CPSF4: variants seen among roughly 807,000 people sequenced by gnomAD.
CPSF4 encodes cleavage and polyadenylation specificity factor subunit 4.
Under a neutral mutation model 37.7 loss-of-function variants are expected in CPSF4, and 11 were observed. The observed-to-expected ratio is 0.29, with a 90% CI of 0.18 to 0.48. The LOEUF is 0.48. Among genes scored for constraint, CPSF4 ranks in the 20% least tolerant of loss-of-function variants. The pLI is 0.99. For missense variants in CPSF4, 144 were observed against 359.5 expected (o/e 0.40, Z 4.85); for synonymous variants, 132 against 135.9 (o/e 0.97, Z 0.20).
intron 1 of CPSF4, among the ~76,000 whole-genome samples, chr7:99,440,674 A>ATATATATATATATATATATATATATAT: frequency 1.1e-5 from 1 of 88,088 alleles, no homozygotes; most frequent in African/African-American, 9.7e-5. Flanking sequence ...ATATATATAT[A>ATATATATATATATATATATATATATAT]TTTTTTTTTT....
chr7:99,439,122 G>T lies in CPSF4; in HGVS notation c.40G>T (p.Asp14Tyr). 1 of 1,611,910 alleles carries T rather than the reference G, an allele frequency of 6.2e-7. No homozygotes were observed. Among genetic ancestry groups the T allele is most frequent in the South Asian group, 1.1e-5 (1 of 90,950 alleles). Reference protein sequence around the residue: ...IIASVDHIKFDLEIAVEQQLG... With the variant: ...IIASVDHIKFYLEIAVEQQLG... ...CGCCAGCGTGGACCACATCAAGTTT[G>T]ACTTGGAGATCGCGGTGGAGCAGCA... The change falls in exon 1 of 8, where the codon GAC (aspartate) becomes TAC (tyrosine). Residue 14 changes from aspartate to tyrosine, a missense_variant. By Grantham distance (160) the Asp-to-Tyr change is radical (BLOSUM62 -3). This residue lies in a region of CPSF4 where 42 missense variants were observed against 86.4 expected (regional missense o/e 0.49). Coordinates refer to ENST00000292476, the MANE Select transcript of CPSF4 (RefSeq NM_006693.4).
At chr7:99,455,466 C>T (rs1798245747) in intron 7 of CPSF4, among the ~76,000 whole-genome samples, 1 of 152,092 alleles carries the variant, frequency 6.6e-6, no homozygotes, top group South Asian at 2.1e-4. Context: ...TTTGGGAGGC[C>T]GAGGGGAGCA....
In CPSF4 at chr7:99,456,810, G is replaced by A. The variant is rs949682146; in HGVS notation, c.*310G>A. 5 of 469,380 alleles carry A rather than the reference G, an allele frequency of 1.1e-5. No individual in the cohort carries two copies. Among genetic ancestry groups the A allele is most frequent in the Non-Finnish European group, 2.0e-5 (5 of 251,950 alleles). 29.1% of individuals were successfully genotyped at this position (469,380 alleles called of 1,614,324 possible). On this transcript the variant is annotated 3_prime_UTR_variant, in exon 8 of 8. Transcript: ENST00000292476. ...GGAGGCAGCTGCTGGGGAGGGGCTT[G>A]GCTAGGTAGTTCTGTGTGGCGGTGG...
chr7:99,442,428 G>A (rs558901361), intron 1 of CPSF4, among the ~76,000 whole-genome samples: 16 of 151,898 alleles, frequency 1.1e-4, no homozygotes, highest in Admixed American at 5.2e-4. Flanking sequence ...AGGCCGAGGC[G>A]GGCGGATCAC....
intron 1 of CPSF4, chr7:99,441,323 A>T: frequency 2.3e-6 from 1 of 441,608 alleles, no homozygotes. Flanking sequence ...TTTTCCTCCC[A>T]CCCTTCTGCC....
At chr7:99,440,674 A>ATATATATATAT in intron 1 of CPSF4, among the ~76,000 whole-genome samples, 2 of 88,086 alleles carry the variant, frequency 2.3e-5, no homozygotes, top group Admixed American at 1.2e-4. Flanking sequence ...ATATATATAT[A>ATATATATATAT]TTTTTTTTTT....
intron 1 of CPSF4, among the ~76,000 whole-genome samples, chr7:99,440,674 A>ATATATATATTTTTTTT: frequency 3.4e-5 from 3 of 88,086 alleles, no homozygotes; most frequent in East Asian, 6.7e-4. Context: ...ATATATATAT[A>ATATATATATTTTTTTT]TTTTTTTTTT....
In CPSF4 at chr7:99,452,449, C is replaced by G. The variant is rs1345957443; in HGVS notation, c.570+9C>G. 4 of 1,612,340 alleles carry G rather than the reference C, an allele frequency of 2.5e-6. No individual in the cohort carries two copies. The highest frequency in any genetic ancestry group is 3.3e-5 in the Admixed American group (2 of 60,020). On this transcript the variant is annotated intron_variant, in intron 6 of 7. Coordinates refer to ENST00000292476, the MANE Select transcript of CPSF4 (RefSeq NM_006693.4). The stretch of plus-strand genomic sequence containing the variant: ...CACAGCCTCCAGCAAAGGTACCGTG[C>G]CTGGCCTTCCTCGGTAGGAAGGAAG...
At chr7:99,444,471 T>A (rs1797311211) in intron 1 of CPSF4, among the ~76,000 whole-genome samples, 1 of 151,030 alleles carries the variant, frequency 6.6e-6, no homozygotes, top group African/African-American at 2.4e-5. Context: ...AAAAAAAAAA[T>A]TATTTCTGTG....
At chr7:99,454,188 C>CCATT (rs1798135865) in intron 7 of CPSF4, 52 bp downstream of exon 7, 1 of 1,479,010 alleles carries the variant, frequency 6.8e-7, no homozygotes, top group East Asian at 2.3e-5. Context: ...CCGTCAGTGG[C>CCATT]CATTCCCTCA....
intron 2 of CPSF4, among the ~76,000 whole-genome samples, chr7:99,446,809 A>G (rs13311457): frequency 0.37 from 14,180 of 38,158 alleles, 3,198 homozygotes; most frequent in African/African-American, 0.7. Flanking sequence ...TTTTTTTTTT[A>G]ACGGAGTTTT....
rs374374315 is a variant in CPSF4, at chr7:99,453,936, A to G, written c.571-30A>G. ...TAGTCTGCGTGCACGTGTTTTCCACAGTAAAACCGTGTTGTGTAACTCTTT... is the reference window on the plus strand; with the variant it reads ...TAGTCTGCGTGCACGTGTTTTCCACGGTAAAACCGTGTTGTGTAACTCTTT... On this transcript the variant is annotated intron_variant, in intron 6 of 7. Transcript: ENST00000292476. This position sits in a 1 kb window ranked among gnomAD's most constrained non-coding sequence, Gnocchi z 4.7. The G allele has an allele frequency of 6.7e-5, 107 of 1,606,814 alleles. No individual in the cohort carries two copies. Among genetic ancestry groups the G allele is most frequent in the Non-Finnish European group, 8.6e-5 (101 of 1,174,568 alleles).
At position 99,450,381 on chromosome 7, in the gene CPSF4, A is replaced by T. The variant is rs1176118242; in HGVS notation, c.403+10A>T. On this transcript the variant is annotated intron_variant, in intron 4 of 7. Transcript: ENST00000292476. ...GGCTTCTGCAAGCACGGTAGGTGCC[A>T]GGGTGGGCTGGGCCCCGGGCAAGAA... is the stretch of plus-strand genomic sequence containing the variant. 2.5e-6 allele frequency: 4 copies of T among 1,598,672 alleles called. No individual in the cohort carries two copies. Among genetic ancestry groups the T allele is most frequent in the Admixed American group, 1.7e-5 (1 of 59,736 alleles).
At position 99,456,830 on chromosome 7, in the gene CPSF4, C is replaced by T. The variant is rs1301362930; in HGVS notation, c.*330C>T. ...GGCTTGGCTAGGTAGTTCTGTGTGG[C>T]GGTGGTCATTCCCCTCATTAAACAC... is the stretch of plus-strand genomic sequence containing the variant. On this transcript the variant is annotated 3_prime_UTR_variant, in exon 8 of 8. Transcript: ENST00000292476. 7.0e-6 allele frequency: 3 copies of T among 427,162 alleles called. No individual in the cohort carries two copies. The highest frequency in any genetic ancestry group is 5.1e-5 in the East Asian group (1 of 19,594). The allele number at this position is 427,162 out of a possible 1,614,324, so 26.5% of individuals were successfully genotyped here.
Position 99,448,053 on chromosome 7 carries a change from C to T in CPSF4, c.155-68C>T, listed in dbSNP as rs559174876. The T allele has an allele frequency of 6.4e-6, 10 of 1,552,316 alleles. No homozygotes were observed. In the East Asian group the frequency reaches 2.0e-4, roughly 31 times the overall value. On this transcript the variant is annotated intron_variant, in intron 2 of 7. Coordinates refer to ENST00000292476, the MANE Select transcript of CPSF4 (RefSeq NM_006693.4). The surrounding 1 kb of genome is among the most constrained non-coding windows in gnomAD (Gnocchi z 4.4). ...TTAGGAAGTGAAGGTACCTCAGCTT[C>T]TTCAGGCCGTGTCCCCCAGGCTCAG...
At chr7:99,450,610 C>T (rs901652479) in intron 4 of CPSF4, 92 bp from the exon 5 acceptor site, 6 of 1,105,362 alleles carry the variant, frequency 5.4e-6, no homozygotes, top group Non-Finnish European at 8.3e-6. Flanking sequence ...CCCCGTCTCC[C>T]ATGAATGGGG....
intron 7 of CPSF4, among the ~76,000 whole-genome samples, chr7:99,455,735 A>C (rs1798262131): frequency 1.3e-5 from 2 of 152,220 alleles, no homozygotes; most frequent in Admixed American, 1.3e-4. Flanking sequence ...CTGGATAATC[A>C]GGACTGGGAT....
At chr7:99,456,388 T>C in intron 7 of CPSF4, 44 bp from the exon 8 acceptor site, 1 of 1,578,562 alleles carries the variant, frequency 6.3e-7, no homozygotes, top group South Asian at 1.1e-5. Context: ...TTGAACAGTG[T>C]TGTTGTCTGT....
intron 1 of CPSF4, chr7:99,443,632 A>T: frequency 2.0e-6 from 1 of 495,612 alleles, no homozygotes; most frequent in Admixed American, 3.3e-5. Flanking sequence ...TAATAATTGT[A>T]TGTGGGCCAG....
Sources: allele counts gnomAD v4.1 joint callset (sites outside exome capture counted in the v4.1 genomes callset), GRCh38; gene constraint gnomAD v4.1.1; regional missense constraint gnomAD v4.1.1; non-coding constraint Gnocchi (gnomAD v3.1); transcripts MANE v1.5; gene names NCBI Gene and HGNC (gene_info 2026-07-23, HGNC 2026-07-21).